TTC21B: variants seen among roughly 807,000 people sequenced by gnomAD.
TTC21B encodes tetratricopeptide repeat domain 21B, also known as tetratricopeptide repeat protein 21B.
In TTC21B, 127 loss-of-function variants were observed where a neutral mutation model predicts 175.1. The ratio of observed to expected loss-of-function variants is 0.73; its 90% confidence interval spans 0.63 to 0.84. The LOEUF (loss-of-function observed/expected upper bound fraction) is 0.84, where lower values mean the gene tolerates loss of function less well. TTC21B is among the 40% of genes least tolerant of loss of function. TTC21B has a pLI of 0.00. For missense variants in TTC21B, 1,561 were observed against 1,558.3 expected, an observed-to-expected ratio of 1.00 and a Z score of -0.03; for synonymous variants, 524 against 524.5, an observed-to-expected ratio of 1.00 and a Z score of 0.01.
At chr2:165,929,624 C>T (rs751511802) in intron 10 of TTC21B, 26 bp downstream of exon 10, 93 of 1,484,868 alleles carry the variant, frequency 6.3e-5, no homozygotes, top group Non-Finnish European at 8.5e-5. Context: ...CTAGCATCTA[C>T]CAGCTGATAA....
At chr2:165,901,696 A>T (rs1384099612) in intron 20 of TTC21B, 26 bp downstream of exon 20, 1 of 1,595,910 alleles carries the variant, frequency 6.3e-7, no homozygotes, top group Non-Finnish European at 8.6e-7. Flanking sequence ...AATAAAAGGT[A>T]TTTAAAATTT....
At chr2:165,899,680 G>A (rs1685485400) in intron 21 of TTC21B, 90 bp downstream of exon 21, 1 of 819,232 alleles carries the variant, frequency 1.2e-6, no homozygotes, top group Non-Finnish European at 2.1e-6. Flanking sequence ...CGTGAGCCAT[G>A]CCTCATCATC....
intron 25 of TTC21B, among the ~76,000 whole-genome samples, chr2:165,886,406 CATTA>C (rs1329060438): frequency 3.3e-5 from 5 of 152,108 alleles, no homozygotes; most frequent in African/African-American, 1.2e-4. Context: ...CGGGACCATA[CATTA>C]TTTATCTTTG....
intron 27 of TTC21B, among the ~76,000 whole-genome samples, chr2:165,877,865 T>C (rs1480963818): frequency 6.6e-6 from 1 of 152,158 alleles, no homozygotes; most frequent in Non-Finnish European, 1.5e-5. Context: ...AAACTTAATG[T>C]CATTACCAAC....
At chr2:165,889,028 C>T (rs939400103) in intron 24 of TTC21B, among the ~76,000 whole-genome samples, 1 of 152,142 alleles carries the variant, frequency 6.6e-6, no homozygotes, top group African/African-American at 2.4e-5. Context: ...ACCACATTGC[C>T]TATCAGACTC....
intron 8 of TTC21B, among the ~76,000 whole-genome samples, chr2:165,930,730 G>GATGTGTGTGTGTGTGTGTGTGTGT (rs1553514241): frequency 1.3e-5 from 1 of 78,268 alleles, no homozygotes; most frequent in Non-Finnish European, 3.0e-5. Flanking sequence ...CGTGGGTATG[G>GATGTGTGTGTGTGTGTGTGTGTGT]GGGTGTGTGT....
chr2:165,896,424 C>T lies in TTC21B; in HGVS notation c.2950+2262G>A, dbSNP rs79827340. ...CTGGAAACACAGCAGTGAAGGACAA[C>T]GTTTCTGGTCACTTGATGCTTCCAT... On this transcript the variant is annotated intron_variant, in intron 22 of 28. Coordinates refer to ENST00000243344, the MANE Select transcript of TTC21B (RefSeq NM_024753.5). 8.0e-3 allele frequency among the ~76,000 whole-genome samples: 1,218 copies of T among 152,196 alleles called. 25 individuals are homozygous for T. The highest frequency in any genetic ancestry group is 0.027 in the African/African-American group (1,136 of 41,526).
rs1687690834 is a variant in TTC21B, at chr2:165,949,428, T to C, written c.228A>G (p.Ala76=). The C allele has an allele frequency of 6.2e-7, 1 of 1,613,548 alleles. No homozygotes were observed. The highest frequency in any genetic ancestry group is 1.7e-5 in the Admixed American group (1 of 60,002). The change falls in exon 3 of 29, where the codon GCA becomes GCG. Residue 76 remains alanine, a synonymous_variant. Transcript: ENST00000243344. ...KQDVSLCSLL[A]LIYAHKMSPN... is the part of the protein sequence containing the mutation. ...GACTCATTTTATGGGCATATATCAG[T>C]GCAAGTAGAGAACAAAGTGATACAT...
chr2:165,920,745 C>CTAAATATTTAAAATATAATGAAATATAT (rs1686359743), intron 12 of TTC21B, among the ~76,000 whole-genome samples: 1 of 135,938 alleles, frequency 7.4e-6, no homozygotes. Flanking sequence ...GGGTAGGATA[C>CTAAATATTTAAAATATAATGAAATATAT]TAAATATTTA....
intron 27 of TTC21B, among the ~76,000 whole-genome samples, chr2:165,879,190 G>T (rs576961264): frequency 1.1e-4 from 16 of 152,246 alleles, no homozygotes; most frequent in Admixed American, 5.9e-4. Flanking sequence ...CACAATGAAA[G>T]AACTAGTCAT....
chr2:165,924,667 A>G lies in TTC21B; in HGVS notation c.1398T>C (p.Pro466=), dbSNP rs745511607. 1.9e-6 allele frequency: 3 copies of G among 1,613,574 alleles called. No individual in the cohort carries two copies. The highest frequency in any genetic ancestry group is 2.2e-5 in the South Asian group (2 of 91,034). Reference sequence around the variant, plus strand: ...TGAGAAGTGGACAAAGAGGTTGCCCAGGACTTGCAGGCTAAACAAAACAAA... The same window carrying G: ...TGAGAAGTGGACAAAGAGGTTGCCCGGGACTTGCAGGCTAAACAAAACAAA... ...LSFCPMQPAS[P]GQPLCPLLRR... is the part of the protein sequence containing the mutation. Residue 466 remains proline, a synonymous_variant, in exon 12 of 29, where the codon CCT becomes CCC. Transcript: ENST00000243344.
At chr2:165,890,210 T>G (rs896766348) in intron 24 of TTC21B, among the ~76,000 whole-genome samples, 1 of 152,228 alleles carries the variant, frequency 6.6e-6, no homozygotes, top group Non-Finnish European at 1.5e-5. Flanking sequence ...AGTGTCTTCA[T>G]AGCATGTCTA....
At chr2:165,894,467 T>G (rs79597630) in intron 22 of TTC21B, among the ~76,000 whole-genome samples, 1 of 152,066 alleles carries the variant, frequency 6.6e-6, no homozygotes, top group Non-Finnish European at 1.5e-5. Flanking sequence ...TCCAACAAAA[T>G]AGATCTGTGG....
At chr2:165,887,670 A>G (rs142016688) in intron 25 of TTC21B, among the ~76,000 whole-genome samples, 2,739 of 152,140 alleles carry the variant, frequency 0.018, 117 homozygotes, top group Admixed American at 0.099. Context: ...CTGGGCGACA[A>G]GAGCAAAACT....
At chr2:165,887,721 G>A (rs903143484) in intron 25 of TTC21B, among the ~76,000 whole-genome samples, 17 of 152,082 alleles carry the variant, frequency 1.1e-4, no homozygotes, top group African/African-American at 4.1e-4. Context: ...TTCGAGCACA[G>A]TGAAAAGAGA....
At chr2:165,898,586 T>G (rs1685448709) in intron 22 of TTC21B, 100 bp downstream of exon 22, 1 of 793,460 alleles carries the variant, frequency 1.3e-6, no homozygotes, top group African/African-American at 1.7e-5. Context: ...CTGATTCAAC[T>G]AGGGACGGAG....
Position 165,880,792 on chromosome 2 carries a change from C to T in TTC21B, c.3692G>A (p.Cys1231Tyr), listed in dbSNP as rs781668171. 3.7e-6 allele frequency: 6 copies of T among 1,612,212 alleles called. No homozygotes were observed. Among genetic ancestry groups the T allele is most frequent in the Admixed American group, 1.7e-5 (1 of 59,962 alleles). The change falls in exon 27 of 29, where the codon TGC (cysteine) becomes TAC (tyrosine). Residue 1231 changes from cysteine to tyrosine, a missense_variant. Physicochemically the swap from Cys to Tyr is radical, Grantham distance 194. Coordinates refer to ENST00000243344, the MANE Select transcript of TTC21B (RefSeq NM_024753.5). ...KRCLRHNRSC[C>Y]KAYEYMGYIM... ...GTATCCCATATATTCATAAGCTTTGCAGCAAGACTGAAGAAAAATGGGAGA... is the reference window on the plus strand; with the variant it reads ...GTATCCCATATATTCATAAGCTTTGTAGCAAGACTGAAGAAAAATGGGAGA...
In TTC21B at chr2:165,891,030, C is replaced by T. The variant is rs75714816; in HGVS notation, c.2951-42G>A. Reference sequence around the variant, plus strand: ...CTTCAGATATGGGCACCATTTTATACTGTTTCTTTTGTTGGTTATAATTCT... The same window carrying T: ...CTTCAGATATGGGCACCATTTTATATTGTTTCTTTTGTTGGTTATAATTCT... On this transcript the variant is annotated intron_variant, in intron 22 of 28. Transcript: ENST00000243344. The T allele has an allele frequency of 3.1e-4, 474 of 1,519,190 alleles. No homozygotes were observed. The African/African-American group carries it at 6.1e-3, about 20-fold the overall frequency. The allele number at this position is 1,519,190 out of a possible 1,614,324, so 94.1% of individuals were successfully genotyped here. A position where few individuals can be genotyped will look rare whatever the true frequency, so the allele number is the denominator to read the frequency against.
chr2:165,932,830 T>C (rs1686961325), intron 7 of TTC21B, 143 bp downstream of exon 7: 1 of 720,366 alleles, frequency 1.4e-6, no homozygotes, highest in South Asian at 1.7e-5. Flanking sequence ...TATACTCTAG[T>C]AATCAACTAA....
Sources: gnomAD v4.1 joint callset for allele counts (sites outside exome capture counted in the v4.1 genomes callset) on GRCh38, gnomAD v4.1.1 for gene constraint, MANE v1.5 for transcripts, NCBI Gene and HGNC (gene_info 2026-07-23, HGNC 2026-07-21) for gene names.